TBC1D5: variants seen among roughly 807,000 people sequenced by gnomAD.
TBC1D5 encodes the protein TBC1 domain family member 5, also known as TBC1 domain family, member 5.
A neutral mutation model predicts 100.3 loss-of-function variants in TBC1D5; 75 were observed. That is an observed-to-expected ratio of 0.75 (90% CI 0.62 to 0.91). TBC1D5 has a LOEUF of 0.91. Among genes scored for constraint, TBC1D5 ranks in the 40% least tolerant of loss-of-function variants. TBC1D5 has a pLI of 0.00. For synonymous variants in TBC1D5, 323 were observed against 325.6 expected (o/e 0.99, Z 0.09); for missense variants, 910 against 942.4 (o/e 0.97, Z 0.45).
intron 3 of TBC1D5, among the ~76,000 whole-genome samples, chr3:17,485,717 A>C (rs2095557138): frequency 6.6e-6 from 1 of 152,060 alleles, no homozygotes; most frequent in South Asian, 2.1e-4. Context: ...TATATGTGCC[A>C]CATTTTCTTA....
chr3:17,680,231 T>C (rs1395443226), intron 1 of TBC1D5, among the ~76,000 whole-genome samples: 5 of 151,006 alleles, frequency 3.3e-5, no homozygotes, highest in Non-Finnish European at 7.4e-5. Context: ...TATATGTATA[T>C]TCGCTTTTTT....
intron 1 of TBC1D5, among the ~76,000 whole-genome samples, chr3:17,705,013 A>C (rs1436271036): frequency 5.1e-5 from 5 of 98,816 alleles, no homozygotes; most frequent in Admixed American, 1.0e-4. Context: ...TGACCCCCCC[A>C]CCTCCCTCCC....
chr3:17,269,196 T>C (rs2079128204), intron 15 of TBC1D5, among the ~76,000 whole-genome samples: 1 of 152,080 alleles, frequency 6.6e-6, no homozygotes, highest in Non-Finnish European at 1.5e-5. Context: ...GATGCACAAG[T>C]TTTGGCCCAG....
chr3:17,727,375 G>A (rs556425367), intron 1 of TBC1D5, among the ~76,000 whole-genome samples: 6 of 151,906 alleles, frequency 3.9e-5, no homozygotes, highest in South Asian at 2.1e-4. Context: ...AGTGAGACTC[G>A]GTCTCAAAAA....
At chr3:17,682,669 G>GT (rs1274839992) in intron 1 of TBC1D5, among the ~76,000 whole-genome samples, 1 of 151,374 alleles carries the variant, frequency 6.6e-6, no homozygotes, top group Non-Finnish European at 1.5e-5. Context: ...ACCTGTTGTC[G>GT]TTACATATTA....
In TBC1D5 at chr3:17,685,698, T is replaced by G. The variant is rs149356042; in HGVS notation, c.-101+53645A>C. Reference sequence around the variant, plus strand: ...TTCTCATACATCATTAATATAATTATAATACAACTGCCTTGATATTATATA... The same window carrying G: ...TTCTCATACATCATTAATATAATTAGAATACAACTGCCTTGATATTATATA... On this transcript the variant is annotated intron_variant, in intron 1 of 21. Coordinates refer to ENST00000253692, the Ensembl canonical transcript of TBC1D5. Among the ~76,000 whole-genome samples, 16 of 152,250 alleles carry G rather than the reference T, an allele frequency of 1.1e-4. No homozygotes were observed. In the East Asian group the frequency reaches 2.9e-3, roughly 28 times the overall value.
intron 2 of TBC1D5, among the ~76,000 whole-genome samples, chr3:17,539,430 T>A (rs1026467871): frequency 3.9e-5 from 6 of 152,234 alleles, no homozygotes; most frequent in Admixed American, 3.9e-4. Flanking sequence ...ATTTTGCCTA[T>A]AAGAGACAGT....
At chr3:17,737,940 T>C (rs1400271019) in intron 1 of TBC1D5, among the ~76,000 whole-genome samples, 1 of 152,172 alleles carries the variant, frequency 6.6e-6, no homozygotes, top group Non-Finnish European at 1.5e-5. Flanking sequence ...CATGCAACAC[T>C]GGACAATGAC....
At chr3:17,238,883 C>T (rs1306559082) in intron 16 of TBC1D5, among the ~76,000 whole-genome samples, 1 of 152,144 alleles carries the variant, frequency 6.6e-6, no homozygotes, top group Admixed American at 6.6e-5. Context: ...TTCTTACCAG[C>T]CCTGGCACAT....
intron 2 of TBC1D5, among the ~76,000 whole-genome samples, chr3:17,600,570 A>G (rs1006383182): frequency 2.0e-5 from 3 of 152,360 alleles, no homozygotes; most frequent in Non-Finnish European, 1.5e-5. Context: ...TCAAAATTCC[A>G]TAAGAAAAAT....
exon 22 of TBC1D5, chr3:17,159,433 G>C (rs2065854621): frequency 6.6e-6 from 1 of 152,214 alleles, no homozygotes; most frequent in Admixed American, 6.5e-5. Flanking sequence ...TACCATGAAG[G>C]CCTCCACTGC....
At chr3:17,253,251 A>G (rs1392697871) in intron 16 of TBC1D5, among the ~76,000 whole-genome samples, 3 of 152,222 alleles carry the variant, frequency 2.0e-5, no homozygotes, top group Non-Finnish European at 2.9e-5. Context: ...CCATGAAGCC[A>G]AGGAGTCCAT....
At chr3:17,346,801 A>G (rs1369371140) in intron 13 of TBC1D5, among the ~76,000 whole-genome samples, 1 of 152,180 alleles carries the variant, frequency 6.6e-6, no homozygotes, top group East Asian at 1.9e-4. Flanking sequence ...TCCCAAATAG[A>G]TAATAAATTA....
chr3:17,487,431 T>C (rs2095583763), intron 3 of TBC1D5, among the ~76,000 whole-genome samples: 1 of 152,208 alleles, frequency 6.6e-6, no homozygotes, highest in Non-Finnish European at 1.5e-5. Flanking sequence ...AAAAGCACTT[T>C]GCTCACTAAT....
At chr3:17,267,154 A>T (rs911698751) in intron 15 of TBC1D5, among the ~76,000 whole-genome samples, 7 of 151,974 alleles carry the variant, frequency 4.6e-5, no homozygotes, top group African/African-American at 2.4e-5. Flanking sequence ...AGAGAAATAA[A>T]TTTTTTTCTT....
chr3:17,294,828 T>C (rs181989460), intron 14 of TBC1D5, among the ~76,000 whole-genome samples: 3 of 152,356 alleles, frequency 2.0e-5, no homozygotes, highest in African/African-American at 7.2e-5. Flanking sequence ...TGCAATTAGA[T>C]ATGCTAAGTA....
intron 2 of TBC1D5, among the ~76,000 whole-genome samples, chr3:17,508,944 T>C (rs2095872626): frequency 6.6e-6 from 1 of 152,248 alleles, no homozygotes; most frequent in Non-Finnish European, 1.5e-5. Context: ...ATAATAAACA[T>C]TCACAATAGA....
chr3:17,434,352 T>C (rs2149442975), intron 3 of TBC1D5, among the ~76,000 whole-genome samples: 1 of 152,322 alleles, frequency 6.6e-6, no homozygotes, highest in South Asian at 2.1e-4. Flanking sequence ...TAGGCAGAGA[T>C]TCCCAAACAT....
At chr3:17,174,871 C>T (rs1387536798) in intron 19 of TBC1D5, among the ~76,000 whole-genome samples, 1 of 152,178 alleles carries the variant, frequency 6.6e-6, no homozygotes, top group African/African-American at 2.4e-5. Context: ...GGATTACAGA[C>T]ATGAGCCACC....
Sources: allele counts gnomAD v4.1 joint callset (sites outside exome capture counted in the v4.1 genomes callset), GRCh38; gene constraint gnomAD v4.1.1; transcripts MANE v1.5; gene names NCBI Gene and HGNC (gene_info 2026-07-23, HGNC 2026-07-21).